The following APP variants were observed in gnomAD, a reference collection of about 807,000 sequenced individuals.
APP encodes amyloid beta precursor protein.
APP carries 31 observed loss-of-function variants against 101.4 expected under a neutral mutation model. That is an observed-to-expected ratio of 0.31 (90% CI 0.23 to 0.41). APP has a LOEUF of 0.41. Ranked by LOEUF, APP falls within the 10% of genes least tolerant of loss-of-function variation. The pLI is 1.00. For synonymous variants in APP, 366 were observed against 364.4 expected (o/e 1.00, Z -0.05); for missense variants, 839 against 1,003.7 (o/e 0.84, Z 2.22).
intron 15 of APP, among the ~76,000 whole-genome samples, chr21:25,903,986 G>T (rs1374889673): frequency 1.1e-3 from 1 of 914 alleles, no homozygotes; most frequent in Non-Finnish European, 1.7e-3. Flanking sequence ...GTGAGGGACA[G>T]GGTGGGTCTC....
intron 9 of APP, among the ~76,000 whole-genome samples, chr21:25,977,646 T>C (rs546186733): frequency 3.9e-5 from 6 of 152,358 alleles, no homozygotes; most frequent in African/African-American, 1.4e-4. Flanking sequence ...CTTGTTGTTT[T>C]TGTAAAACCA....
intron 5 of APP, among the ~76,000 whole-genome samples, chr21:26,041,685 A>T (rs1385412411): frequency 1.3e-5 from 2 of 151,972 alleles, no homozygotes; most frequent in Admixed American, 6.6e-5. Context: ...TGCACTACAG[A>T]GGCATCTCCT....
At chr21:26,049,468 G>A (rs1437834430) in intron 5 of APP, among the ~76,000 whole-genome samples, 2 of 152,192 alleles carry the variant, frequency 1.3e-5, no homozygotes, top group East Asian at 3.9e-4. Context: ...AAGTTGGGCT[G>A]GATCAACTGC....
At chr21:25,980,811 G>C (rs890395758) in intron 9 of APP, among the ~76,000 whole-genome samples, 1 of 152,158 alleles carries the variant, frequency 6.6e-6, no homozygotes, top group South Asian at 2.1e-4. Context: ...TCATGGAAAA[G>C]ACAGTTTGTT....
chr21:26,118,050 G>A (rs2062475375), intron 1 of APP, among the ~76,000 whole-genome samples: 1 of 152,032 alleles, frequency 6.6e-6, no homozygotes, highest in African/African-American at 2.4e-5. Flanking sequence ...TTACTTTTGT[G>A]CCAACCTAAT....
At chr21:26,061,528 C>T (rs563075971) in intron 3 of APP, among the ~76,000 whole-genome samples, 3 of 152,264 alleles carry the variant, frequency 2.0e-5, no homozygotes, top group East Asian at 1.9e-4. Context: ...ACTCAAGAGA[C>T]GGGACGATTA....
chr21:26,002,323 C>T lies in APP; in HGVS notation c.866-2141G>A, dbSNP rs139166054. The stretch of plus-strand genomic sequence containing the variant: ...TTTTACCAGTACTTTATTGCATCTA[C>T]TGAAAGAGCAACGTGTATAGGGAAG... On this transcript the variant is annotated intron_variant, in intron 6 of 17. Coordinates refer to ENST00000346798, the MANE Select transcript of APP (RefSeq NM_000484.4). Among the ~76,000 whole-genome samples the T allele has an allele frequency of 2.4e-3, 372 of 152,384 alleles. 4 individuals carry two copies. The highest frequency in any genetic ancestry group is 4.2e-3 in the Non-Finnish European group (285 of 68,050).
At chr21:26,038,689 AGGAG>A (rs2045236524) in intron 5 of APP, among the ~76,000 whole-genome samples, 1 of 152,116 alleles carries the variant, frequency 6.6e-6, no homozygotes, top group Non-Finnish European at 1.5e-5. Flanking sequence ...GCTTGAACTC[AGGAG>A]ACGGAGGTTG....
chr21:26,156,592 C>T (rs1264073475), intron 1 of APP, among the ~76,000 whole-genome samples: 1 of 129,874 alleles, frequency 7.7e-6, no homozygotes, highest in African/African-American at 3.3e-5. Flanking sequence ...CTCTGCAATC[C>T]AAAGCCAGCA....
intron 11 of APP, among the ~76,000 whole-genome samples, chr21:25,970,568 A>G (rs2041993374): frequency 6.6e-6 from 1 of 152,260 alleles, no homozygotes; most frequent in Non-Finnish European, 1.5e-5. Context: ...GAGATATAAA[A>G]AAAAATTTCC....
intron 9 of APP, among the ~76,000 whole-genome samples, chr21:25,981,824 CTA>C (rs1393500285): frequency 2.0e-4 from 30 of 148,684 alleles, no homozygotes; most frequent in Non-Finnish European, 4.4e-5. Context: ...TTGCTTTGTG[CTA>C]AAATGGGAAG....
At chr21:26,029,347 G>C (rs916322597) in intron 5 of APP, among the ~76,000 whole-genome samples, 5 of 152,202 alleles carry the variant, frequency 3.3e-5, no homozygotes, top group Middle Eastern at 3.4e-3. Flanking sequence ...AGCAAAGGTG[G>C]CTCACAAGGC....
chr21:26,030,113 T>C (rs538973632), intron 5 of APP, among the ~76,000 whole-genome samples: 4 of 152,182 alleles, frequency 2.6e-5, no homozygotes, highest in Admixed American at 6.5e-5. Context: ...ATCCTAGCAA[T>C]AGAGCAACAA....
At chr21:25,950,494 C>T (rs2041025836) in intron 13 of APP, among the ~76,000 whole-genome samples, 1 of 49,692 alleles carries the variant, frequency 2.0e-5, no homozygotes, top group African/African-American at 8.1e-5. Flanking sequence ...GATTCTCCTG[C>T]CTCAGCCTCC....
intron 1 of APP, among the ~76,000 whole-genome samples, chr21:26,158,878 C>T (rs1455163406): frequency 6.6e-6 from 1 of 152,160 alleles, no homozygotes; most frequent in Non-Finnish European, 1.5e-5. Flanking sequence ...CTTTGGCACA[C>T]TGTACCTAAT....
rs187750938 is a variant in APP, at chr21:26,121,934, T to G, written c.58-9788A>C. 2.6e-4 allele frequency among the ~76,000 whole-genome samples: 40 copies of G among 152,264 alleles called. No homozygotes were observed. The South Asian group carries it at 3.1e-3, about 12-fold the overall frequency. ...ACCAAGAGACCATTAGAGAAGAGAA[T>G]AAGTCTTTGAAAAGCTGCAGGTGGG... On this transcript the variant is annotated intron_variant, in intron 1 of 17. Transcript: ENST00000346798.
chr21:25,931,566 C>G (rs2040149938), intron 13 of APP, among the ~76,000 whole-genome samples: 1 of 152,038 alleles, frequency 6.6e-6, no homozygotes, highest in Non-Finnish European at 1.5e-5. Flanking sequence ...ACTAACCAGA[C>G]AAGTCAGCAG....
intron 17 of APP, among the ~76,000 whole-genome samples, chr21:25,887,280 TA>T (rs2037388993): frequency 6.6e-6 from 1 of 152,122 alleles, no homozygotes; most frequent in South Asian, 2.1e-4. Context: ...AGGAACGTCC[TA>T]AAACAGGAGC....
chr21:26,120,957 C>T (rs2062553434), intron 1 of APP, among the ~76,000 whole-genome samples: 1 of 143,368 alleles, frequency 7.0e-6, no homozygotes, highest in Non-Finnish European at 1.5e-5. Context: ...ATCTGTGTAA[C>T]AAAAGCAGTG....
Sources: gnomAD v4.1 joint callset for allele counts (sites outside exome capture counted in the v4.1 genomes callset) on GRCh38, gnomAD v4.1.1 for gene constraint, MANE v1.5 for transcripts, NCBI Gene and HGNC (gene_info 2026-07-23, HGNC 2026-07-21) for gene names.